TMEM236: variants seen among roughly 807,000 people sequenced by gnomAD.
TMEM236 encodes the protein family with sequence similarity 23, member A.
Under a neutral mutation model 14.7 loss-of-function variants are expected in TMEM236, and 11 were observed. That is an observed-to-expected ratio of 0.75 (90% CI 0.47 to 1.24). TMEM236 has a LOEUF of 1.24. Among genes scored for constraint, TMEM236 ranks in the 50% most tolerant of loss-of-function variants. The pLI, the probability that TMEM236 is intolerant of heterozygous loss-of-function variation, is 0.00. For missense variants in TMEM236, 464 were observed against 427.3 expected, an observed-to-expected ratio of 1.09 and a Z score of -0.76; for synonymous variants, 182 against 168.6, an observed-to-expected ratio of 1.08 and a Z score of -0.62.
chr10:17,757,580 C>T (rs1176011405), intron 1 of TMEM236, among the ~76,000 whole-genome samples: 2 of 143,648 alleles, frequency 1.4e-5, no homozygotes, highest in East Asian at 4.1e-4. Context: ...GCCTGGGTCA[C>T]ACAGCAAAAC....
chr10:17,759,574 C>T (rs1357997093), intron 1 of TMEM236, among the ~76,000 whole-genome samples: 1 of 152,118 alleles, frequency 6.6e-6, no homozygotes, highest in African/African-American at 2.4e-5. Context: ...GTTGTAGTTG[C>T]AGTAAAGTAA....
chr10:17,793,289 C>A (rs1837956775), intron 3 of TMEM236, among the ~76,000 whole-genome samples: 1 of 152,186 alleles, frequency 6.6e-6, no homozygotes, highest in Non-Finnish European at 1.5e-5. Context: ...GGGGTTTCCA[C>A]TTCCTGGCTT....
chr10:17,781,524 T>C lies in TMEM236; in HGVS notation c.472+5354T>C, dbSNP rs957954061. ...GGGCTGAGGTTGGGGGTGGGGGGGA[T>C]CACCTGAGGTCAGGAGTTTGAGACC... On this transcript the variant is annotated intron_variant, in intron 3 of 3. Transcript: ENST00000377495. Among the ~76,000 whole-genome samples the C allele has an allele frequency of 7.9e-5, 12 of 152,030 alleles. No individual in the cohort carries two copies. The East Asian group carries it at 2.3e-3, about 30-fold the overall frequency.
At chr10:17,765,050 G>T (rs1837440209) in intron 1 of TMEM236, among the ~76,000 whole-genome samples, 1 of 151,846 alleles carries the variant, frequency 6.6e-6, no homozygotes. Context: ...TTGATCTCTG[G>T]ACCTTGTGAT....
At chr10:17,788,755 G>T (rs1217013303) in intron 3 of TMEM236, among the ~76,000 whole-genome samples, 12 of 152,068 alleles carry the variant, frequency 7.9e-5, no homozygotes, top group African/African-American at 2.9e-4. Flanking sequence ...AACTGAAATG[G>T]GATCTTAGGG....
rs1175810197 is a variant in TMEM236 at position 17,761,395 on chromosome 10, T to TA, written c.257+8850dup. On this transcript the variant is annotated intron_variant, in intron 1 of 3. Coordinates refer to ENST00000377495, the MANE Select transcript of TMEM236 (RefSeq NM_001098844.3). ...CTTGTCAATAAGGTAATTCTCTCCTTAAAAAAAGTTTTCTGGGCCAGGCGT... is the reference window on the plus strand; with the variant it reads ...CTTGTCAATAAGGTAATTCTCTCCTTAAAAAAAAGTTTTCTGGGCCAGGCGT... 6.0e-3 allele frequency among the ~76,000 whole-genome samples: 914 copies of TA among 152,174 alleles called. 12 individuals carry two copies. The highest frequency in any genetic ancestry group is 0.021 in the African/African-American group (868 of 41,522).
At chr10:17,779,729 C>T (rs951787797) in intron 3 of TMEM236, among the ~76,000 whole-genome samples, 13 of 152,060 alleles carry the variant, frequency 8.5e-5, no homozygotes, top group Non-Finnish European at 1.8e-4. Flanking sequence ...TGTTTTAAAC[C>T]AGACCCACAG....
intron 1 of TMEM236, among the ~76,000 whole-genome samples, chr10:17,755,838 C>G (rs1422595224): frequency 6.6e-6 from 1 of 152,144 alleles, no homozygotes; most frequent in Non-Finnish European, 1.5e-5. Flanking sequence ...ATCCCTAAGA[C>G]TCTAGATTCT....
intron 3 of TMEM236, among the ~76,000 whole-genome samples, chr10:17,778,617 G>T (rs1837696069): frequency 6.6e-6 from 1 of 152,126 alleles, no homozygotes; most frequent in South Asian, 2.1e-4. Flanking sequence ...AGGAAATGTG[G>T]GAAAAGTGAA....
intron 1 of TMEM236, among the ~76,000 whole-genome samples, chr10:17,763,912 A>C (rs1163946353): frequency 1.3e-5 from 2 of 150,764 alleles, no homozygotes; most frequent in South Asian, 4.3e-4. Context: ...CCTCAGTTTC[A>C]TCACCTGTAA....
chr10:17,782,616 T>C (rs1353143997), intron 3 of TMEM236, among the ~76,000 whole-genome samples: 1 of 152,038 alleles, frequency 6.6e-6, no homozygotes, highest in Non-Finnish European at 1.5e-5. Context: ...CACGTCCCTC[T>C]AATTTTTGTA....
chr10:17,760,520 T>G (rs1837347024), intron 1 of TMEM236, among the ~76,000 whole-genome samples: 1 of 152,218 alleles, frequency 6.6e-6, no homozygotes, highest in Non-Finnish European at 1.5e-5. Flanking sequence ...GAATTTTTAT[T>G]TTTCACGTAG....
intron 3 of TMEM236, among the ~76,000 whole-genome samples, chr10:17,790,275 T>A (rs1788446476): frequency 6.6e-6 from 1 of 152,212 alleles, no homozygotes; most frequent in South Asian, 2.1e-4. Flanking sequence ...TTCTGCTTTC[T>A]AAGGTTTAGT....
chr10:17,755,776 G>T (rs1298199991), intron 1 of TMEM236, among the ~76,000 whole-genome samples: 5 of 152,156 alleles, frequency 3.3e-5, no homozygotes, highest in African/African-American at 1.2e-4. Context: ...AGCCCAGGAA[G>T]AAGCTCTTGG....
At chr10:17,780,680 G>T (rs921459086) in intron 3 of TMEM236, among the ~76,000 whole-genome samples, 1 of 152,104 alleles carries the variant, frequency 6.6e-6, no homozygotes, top group Non-Finnish European at 1.5e-5. Flanking sequence ...TGAAAATGAA[G>T]CAGTGTTGTT....
chr10:17,783,913 A>G (rs911790541), intron 3 of TMEM236, among the ~76,000 whole-genome samples: 1 of 151,392 alleles, frequency 6.6e-6, no homozygotes, highest in Non-Finnish European at 1.5e-5. Context: ...TTATGTTGGT[A>G]TGGCCATTTT....
intron 3 of TMEM236, among the ~76,000 whole-genome samples, chr10:17,778,792 T>C (rs1467584498): frequency 1.3e-5 from 2 of 152,258 alleles, no homozygotes; most frequent in East Asian, 1.9e-4. Context: ...AAAACTTTTA[T>C]CTTTGTGTAG....
chr10:17,781,977 CACT>C (rs1248705915), intron 3 of TMEM236, among the ~76,000 whole-genome samples: 1 of 152,114 alleles, frequency 6.6e-6, no homozygotes, highest in Admixed American at 6.5e-5. Context: ...GTTTCTAGGA[CACT>C]ACCATTTCTA....
Position 17,796,344 on chromosome 10 carries a change from T to G in TMEM236, c.896T>G (p.Leu299Ter), listed in dbSNP as rs1838015042. ...LNSLSVLLQD[L>*]PFVFVRLGLI... ...TCCCTGAGCGTCCTGCTGCAAGATT[T>G]ACCATTCGTTTTTGTTAGACTTGGT... Residue 299 changes from leucine to a stop codon, truncating the protein, a stop_gained, in exon 4 of 4, where the codon TTA becomes TGA. Transcript: ENST00000377495. LOFTEE classifies it low-confidence loss of function (END_TRUNC). 1.3e-5 allele frequency: 21 copies of G among 1,613,876 alleles called. 1 individual carries two copies. The South Asian group carries it at 2.2e-4, about 17-fold the overall frequency.
Sources: gnomAD v4.1 joint callset for allele counts (sites outside exome capture counted in the v4.1 genomes callset) on GRCh38, gnomAD v4.1.1 for gene constraint, MANE v1.5 for transcripts, NCBI Gene and HGNC (gene_info 2026-07-23, HGNC 2026-07-21) for gene names.